NUB1: variants seen among roughly 807,000 people sequenced by gnomAD.
NUB1 encodes the protein NEDD8 ultimate buster 1.
Under a neutral mutation model 77.1 loss-of-function variants are expected in NUB1, and 41 were observed. The ratio of observed to expected loss-of-function variants is 0.53; its 90% CI spans 0.41 to 0.69. The LOEUF (loss-of-function observed/expected upper bound fraction) is 0.69. Among genes scored for constraint, NUB1 ranks in the 30% least tolerant of loss-of-function variants. The pLI is 0.00. For missense variants in NUB1, 643 were observed against 743.8 expected, an observed-to-expected ratio of 0.86 and a Z score of 1.58; for synonymous variants, 257 against 281.0, an observed-to-expected ratio of 0.91 and a Z score of 0.85.
chr7:151,368,880 G>A lies in NUB1; in HGVS notation c.1241G>A (p.Arg414His), dbSNP rs942775153. Residue 414 changes from arginine (R) to histidine (H), a missense_variant, in exon 11 of 15, where the codon CGC (arginine) becomes CAC (histidine). Physicochemically the swap from Arg to His is conservative, Grantham distance 29. Transcript: ENST00000568733. The stretch of plus-strand genomic sequence containing the variant: ...CATGCGGCCACTCATATTACCAACC[G>A]CAGAGAGGTACCCACTTTCACATGC... The part of the protein sequence containing the change: ...VDHAATHITN[R>H]REELAQIRKE... 1.2e-5 allele frequency: 20 copies of A among 1,611,934 alleles called. No homozygotes were observed. Among genetic ancestry groups the A allele is most frequent in the Middle Eastern group, 1.6e-4 (1 of 6,074 alleles).
intron 13 of NUB1, 198 bp from the exon 14 acceptor site, chr7:151,376,436 C>A: frequency 1.7e-6 from 1 of 574,910 alleles, no homozygotes; most frequent in Non-Finnish European, 3.0e-6. Context: ...CCCTGACGCA[C>A]CCGACTTGAG....
chr7:151,374,347 C>T lies in NUB1; in HGVS notation c.1395+104C>T, dbSNP rs566908091. On this transcript the variant is annotated intron_variant, in intron 12 of 14. Transcript: ENST00000568733. ...ATCCTCCCGGGCTCACTCCTATGGG[C>T]TGCCCCGTCATCCGGATCTGAAGGG... 113 of 1,386,828 alleles carry T rather than the reference C, an allele frequency of 8.1e-5. No homozygotes were observed. In the African/African-American group the frequency reaches 1.1e-3, roughly 13 times the overall value. The allele number at this position is 1,386,828 out of a possible 1,614,324, so 85.9% of individuals were successfully genotyped here.
intron 7 of NUB1, among the ~76,000 whole-genome samples, chr7:151,356,683 G>A (rs918423005): frequency 6.6e-6 from 1 of 151,538 alleles, no homozygotes; most frequent in Non-Finnish European, 1.5e-5. Flanking sequence ...TAGGTAGGCG[G>A]AGGTTTAATC....
chr7:151,349,807 TCTC>T (rs2150668152), intron 3 of NUB1, among the ~76,000 whole-genome samples: 1 of 152,314 alleles, frequency 6.6e-6, no homozygotes, highest in South Asian at 2.1e-4. Flanking sequence ...CTGTGGTTTT[TCTC>T]CTCATGTGCG....
At chr7:151,354,219 G>A (rs561826173) in intron 5 of NUB1, among the ~76,000 whole-genome samples, 1 of 151,858 alleles carries the variant, frequency 6.6e-6, no homozygotes, top group East Asian at 1.9e-4. Flanking sequence ...CTTTTTGGGG[G>A]GCCCTGTTCC....
Position 151,377,249 on chromosome 7 carries a change from T to G in NUB1, c.*24T>G. 1.4e-6 allele frequency: 2 copies of G among 1,427,168 alleles called. No homozygotes were observed. The highest frequency in any genetic ancestry group is 1.9e-6 in the Non-Finnish European group (2 of 1,056,952). The allele number at this position is 1,427,168 out of a possible 1,614,324, so 88.4% of individuals were successfully genotyped here. On this transcript the variant is annotated 3_prime_UTR_variant, in exon 15 of 15. Coordinates refer to ENST00000568733, the MANE Select transcript of NUB1 (RefSeq NM_001243351.2). The stretch of plus-strand genomic sequence containing the variant: ...AAATAATGAACAGAAATAGCGCTAA[T>G]TTTCTGCTTATAAATGCTATCATTA...
intron 2 of NUB1, among the ~76,000 whole-genome samples, chr7:151,348,225 T>G (rs1488426056): frequency 6.6e-6 from 1 of 152,206 alleles, no homozygotes; most frequent in African/African-American, 2.4e-5. Flanking sequence ...CATCCTTTCT[T>G]GAGCCCTTTC....
chr7:151,369,414 A>G (rs894587563), intron 11 of NUB1, among the ~76,000 whole-genome samples: 2 of 152,128 alleles, frequency 1.3e-5, no homozygotes, highest in African/African-American at 2.4e-5. Context: ...CTTTAACACC[A>G]TAGTGTATTT....
At chr7:151,367,162 C>CT (rs1797730334) in intron 9 of NUB1, 37 bp downstream of exon 9, 3 of 1,522,992 alleles carry the variant, frequency 2.0e-6, no homozygotes, top group Non-Finnish European at 2.7e-6. Flanking sequence ...CTCGTTGAGT[C>CT]CATTTCTAGC....
At chr7:151,371,574 G>A (rs776355288) in intron 11 of NUB1, among the ~76,000 whole-genome samples, 4 of 152,166 alleles carry the variant, frequency 2.6e-5, no homozygotes, top group Admixed American at 6.5e-5. Flanking sequence ...GGGAGCTGGA[G>A]CAGCCTCCCA....
intron 6 of NUB1, 41 bp from the exon 7 acceptor site, chr7:151,356,079 ATAACTGTT>A (rs772897382): frequency 6.4e-7 from 1 of 1,565,528 alleles, no homozygotes; most frequent in African/African-American, 1.4e-5. Flanking sequence ...TGTCATCATC[ATAACTGTT>A]TAACATTGAG....
At chr7:151,344,252 A>G (rs190991275) in intron 1 of NUB1, among the ~76,000 whole-genome samples, 1 of 150,474 alleles carries the variant, frequency 6.6e-6, no homozygotes, top group African/African-American at 2.4e-5. Context: ...AAAATATGCA[A>G]AATTTTCCTA....
Position 151,377,111 on chromosome 7 carries a change from C to T in NUB1, c.1734C>T (p.Asp578=). The T allele has an allele frequency of 6.3e-7, 1 of 1,584,772 alleles. No homozygotes were observed. The highest frequency in any genetic ancestry group is 8.6e-7 in the Non-Finnish European group (1 of 1,164,470). Residue 578 remains aspartate, a synonymous_variant, in exon 15 of 15, where the codon GAC becomes GAT. Coordinates refer to ENST00000568733, the MANE Select transcript of NUB1 (RefSeq NM_001243351.2). The part of the protein sequence containing the change: ...ETEAVNEILE[D]IPEHEEDYLD... ...AGGCCGTCAATGAGATACTGGAAGACATTCCAGAGCATGAGGAAGACTATC... is the reference window on the plus strand; with the variant it reads ...AGGCCGTCAATGAGATACTGGAAGATATTCCAGAGCATGAGGAAGACTATC...
rs1335978750 is a variant in NUB1 at position 151,360,225 on chromosome 7, T to C, written c.778T>C (p.Leu260=). The change falls in exon 8 of 15, where the codon TTG becomes CTG. Residue 260 remains leucine (L), a synonymous_variant. Coordinates refer to ENST00000568733, the MANE Select transcript of NUB1 (RefSeq NM_001243351.2). ...ATATGGAATAGCCTTGCCATGTCTG[T>C]TGGACGCTGACAAATATTTCTGGTA... ...KEYGIALPCL[L]DADKYFCECC... The C allele has an allele frequency of 5.0e-6, 8 of 1,606,024 alleles. No individual in the cohort carries two copies. The highest frequency in any genetic ancestry group is 6.8e-6 in the Non-Finnish European group (8 of 1,172,848).
rs1798237417 is a variant in NUB1 at position 151,376,305 on chromosome 7, T to C, written c.1492-329T>C. 5 of 477,056 alleles carry C rather than the reference T, an allele frequency of 1.0e-5. No individual in the cohort carries two copies. In the South Asian group the frequency reaches 1.2e-4, roughly 12 times the overall value. 29.6% of individuals were successfully genotyped at this position (477,056 alleles called of 1,614,324 possible). ...CAAGTGACGGCTCTGTCCACATTTGTGCCCCTACACGCGTTAGCACGCCTG... is the reference window on the plus strand; with the variant it reads ...CAAGTGACGGCTCTGTCCACATTTGCGCCCCTACACGCGTTAGCACGCCTG... On this transcript the variant is annotated intron_variant, in intron 13 of 14. Coordinates refer to ENST00000568733, the MANE Select transcript of NUB1 (RefSeq NM_001243351.2).
chr7:151,362,305 A>G (rs964387793), intron 8 of NUB1, among the ~76,000 whole-genome samples: 2 of 151,938 alleles, frequency 1.3e-5, no homozygotes, highest in Non-Finnish European at 2.9e-5. Flanking sequence ...TTGTTAGCAT[A>G]TTTTTGTGTG....
intron 7 of NUB1, among the ~76,000 whole-genome samples, 160 bp downstream of exon 7, chr7:151,356,382 A>C (rs141740498): frequency 6.6e-6 from 1 of 152,338 alleles, no homozygotes; most frequent in African/African-American, 2.4e-5. Context: ...GAGCACTGGC[A>C]TCCAATGGGC....
chr7:151,357,672 C>T (rs13221961), intron 7 of NUB1, among the ~76,000 whole-genome samples: 7,082 of 149,956 alleles, frequency 0.047, 619 homozygotes, highest in East Asian at 0.33. Context: ...TGCAGTGGTG[C>T]GATCTCAGCT....
Position 151,368,744 on chromosome 7 carries a change from C to A in NUB1, c.1105C>A (p.Leu369Ile), listed in dbSNP as rs1437683278. The change falls in exon 11 of 15, where the codon CTC (leucine) becomes ATC (isoleucine). Residue 369 changes from leucine to isoleucine, a missense_variant. Physicochemically the swap from Leu to Ile is conservative, Grantham distance 5. Transcript: ENST00000568733. ...AYEYLNKARQLFKELYIDPSK... is the reference protein window; with the variant it reads ...AYEYLNKARQIFKELYIDPSK... ...ATTTCCCTGTCTCTAGGCACGTCAG[C>A]TCTTTAAAGAGCTATATATTGATCC... 1.9e-6 allele frequency: 3 copies of A among 1,607,346 alleles called. No homozygotes were observed. The highest frequency in any genetic ancestry group is 4.5e-5 in the East Asian group (2 of 44,680).
Sources: allele counts gnomAD v4.1 joint callset (sites outside exome capture counted in the v4.1 genomes callset), GRCh38; gene constraint gnomAD v4.1.1; transcripts MANE v1.5; gene names NCBI Gene and HGNC (gene_info 2026-07-23, HGNC 2026-07-21).